Variants in TRIM9 observed in about 807,000 individuals in gnomAD.
TRIM9 encodes the protein E3 ubiquitin-protein ligase TRIM9.
Under a neutral mutation model 78.3 loss-of-function variants are expected in TRIM9, and 26 were observed. The ratio of observed to expected loss-of-function variants is 0.33; its 90% confidence interval spans 0.24 to 0.46. The LOEUF (loss-of-function observed/expected upper bound fraction) is 0.46. Ranked by LOEUF, TRIM9 falls within the 20% of genes least tolerant of loss-of-function variation. The pLI is 1.00. For missense variants in TRIM9, 787 were observed against 1,036.4 expected (o/e 0.76, Z 3.30); for synonymous variants, 398 against 416.5 (o/e 0.96, Z 0.54).
intron 2 of TRIM9, 140 bp from the exon 3 acceptor site, chr14:51,023,097 A>C: frequency 1.2e-5 from 14 of 1,125,960 alleles, no homozygotes; most frequent in Non-Finnish European, 1.8e-5. Context: ...TAAAAAAATA[A>C]CTGGATAAAC....
At chr14:51,013,424 T>C (rs76284519) in intron 3 of TRIM9, among the ~76,000 whole-genome samples, 7,037 of 152,262 alleles carry the variant, frequency 0.046, 196 homozygotes, top group Middle Eastern at 0.12. Flanking sequence ...ATTTTGATTA[T>C]TGTCGCTTTA....
chr14:51,087,345 C>G (rs1212715201), intron 1 of TRIM9, among the ~76,000 whole-genome samples: 1 of 152,134 alleles, frequency 6.6e-6, no homozygotes, highest in Admixed American at 6.6e-5. Context: ...AAAAAGAAGG[C>G]AAAACCAGGG....
At chr14:51,077,585 G>A (rs918833449) in intron 1 of TRIM9, among the ~76,000 whole-genome samples, 2 of 151,874 alleles carry the variant, frequency 1.3e-5, no homozygotes, top group African/African-American at 4.8e-5. Context: ...CTAGAGATGG[G>A]GTTTCGCCAT....
In TRIM9 at chr14:51,033,016, A is replaced by T. The variant is rs375896448; in HGVS notation, c.823-7656T>A. Among the ~76,000 whole-genome samples, 302 of 152,290 alleles carry T rather than the reference A, an allele frequency of 2.0e-3. 15 individuals carry two copies. The South Asian group carries it at 0.06, about 30-fold the overall frequency. ...AGGTAAATATACCAGAATCTGCAAC[A>T]CTCAAAATCTGAAACACTACTGGTC... On this transcript the variant is annotated intron_variant, in intron 1 of 12. Transcript: ENST00000684578.
At chr14:51,087,724 CATAAGTTGTTATGCTATGTTGTCCCCAG>C (rs2063898993) in intron 1 of TRIM9, among the ~76,000 whole-genome samples, 1 of 152,188 alleles carries the variant, frequency 6.6e-6, no homozygotes. Flanking sequence ...GCATTTACTT[CATAAGTTGTTATGCTATGTTGTCCCCAG>C]AGCAATATTA....
chr14:51,023,401 T>C (rs1290689463), intron 2 of TRIM9, among the ~76,000 whole-genome samples: 1 of 152,184 alleles, frequency 6.6e-6, no homozygotes, highest in Admixed American at 6.5e-5. Context: ...TGGTCTTCAA[T>C]ATTAACAATA....
At chr14:51,031,908 C>G (rs373998163) in intron 1 of TRIM9, among the ~76,000 whole-genome samples, 29,697 of 152,052 alleles carry the variant, frequency 0.2, 3,279 homozygotes, top group Non-Finnish European at 0.25. Flanking sequence ...CTAAACAAAT[C>G]TCACCATTTG....
chr14:50,999,903 C>T (rs1035224177), intron 6 of TRIM9, among the ~76,000 whole-genome samples: 1 of 152,168 alleles, frequency 6.6e-6, no homozygotes, highest in African/African-American at 2.4e-5. Context: ...CATGAATCAT[C>T]AATCTGGTGG....
At chr14:51,092,233 C>G (rs1452382407) in intron 1 of TRIM9, among the ~76,000 whole-genome samples, 2 of 152,138 alleles carry the variant, frequency 1.3e-5, no homozygotes, top group Non-Finnish European at 2.9e-5. Flanking sequence ...GTTCTGAAAA[C>G]AGTGGTGTGT....
At chr14:51,004,603 T>C (rs2055516547) in intron 5 of TRIM9, among the ~76,000 whole-genome samples, 1 of 152,224 alleles carries the variant, frequency 6.6e-6, no homozygotes, top group South Asian at 2.1e-4. Context: ...CTTTACTGAA[T>C]GCCAGAGAGT....
At chr14:51,028,906 C>T (rs908903609) in intron 1 of TRIM9, among the ~76,000 whole-genome samples, 5 of 152,118 alleles carry the variant, frequency 3.3e-5, no homozygotes, top group Non-Finnish European at 5.9e-5. Flanking sequence ...GCGTGGCTTT[C>T]GTCCTCAGCT....
At chr14:51,030,698 T>C (rs12433833) in intron 1 of TRIM9, among the ~76,000 whole-genome samples, 10,703 of 152,090 alleles carry the variant, frequency 0.07, 472 homozygotes, top group Middle Eastern at 0.11. Flanking sequence ...TGTATGTGTA[T>C]GTATGTGATT....
intron 1 of TRIM9, among the ~76,000 whole-genome samples, chr14:51,045,597 T>G (rs2059892070): frequency 6.6e-6 from 1 of 152,146 alleles, no homozygotes; most frequent in Non-Finnish European, 1.5e-5. Flanking sequence ...AAATCCACAT[T>G]GGTAAAGAGT....
Position 51,086,983 on chromosome 14 carries a change from A to G in TRIM9, c.822+7135T>C, listed in dbSNP as rs530391032. ...GAAAACTCCCTCTCTACAGTTATTT[A>G]ATAAAAAAGTGTCTGCAATTAAACA... is the stretch of plus-strand genomic sequence containing the variant. On this transcript the variant is annotated intron_variant, in intron 1 of 12. Coordinates refer to ENST00000684578, the MANE Select transcript of TRIM9 (RefSeq NM_001387360.1). Among the ~76,000 whole-genome samples the G allele has an allele frequency of 8.5e-5, 13 of 152,260 alleles. 1 individual carries two copies. The highest frequency in any genetic ancestry group is 2.9e-4 in the African/African-American group (12 of 41,558).
intron 1 of TRIM9, among the ~76,000 whole-genome samples, chr14:51,080,063 A>C (rs1596322598): frequency 6.6e-6 from 1 of 152,286 alleles, no homozygotes; most frequent in South Asian, 2.1e-4. Flanking sequence ...AGTCAACCAG[A>C]CAGCCAATCC....
intron 1 of TRIM9, chr14:51,091,373 T>C (rs916540281): frequency 6.6e-6 from 1 of 152,200 alleles, no homozygotes; most frequent in Non-Finnish European, 1.5e-5. Context: ...ATGACTAATA[T>C]GATAGAATAT....
At chr14:51,010,347 C>T (rs1566574591) in intron 4 of TRIM9, 37 bp downstream of exon 4, 1 of 1,527,566 alleles carries the variant, frequency 6.5e-7, no homozygotes, top group Admixed American at 1.7e-5. Context: ...TCCTATGGGA[C>T]ATTTAGAATC....
intron 1 of TRIM9, among the ~76,000 whole-genome samples, chr14:51,051,203 GAA>G (rs533904227): frequency 5.3e-4 from 80 of 152,300 alleles, no homozygotes; most frequent in African/African-American, 1.9e-3. Flanking sequence ...ATAACTATAG[GAA>G]ACCTTCGTTG....
chr14:51,066,062 AAGGAAG>A (rs1175150051), intron 1 of TRIM9, among the ~76,000 whole-genome samples: 3 of 120,404 alleles, frequency 2.5e-5, no homozygotes, highest in African/African-American at 1.0e-4. Context: ...AGAAGGAAGG[AAGGAAG>A]GAAGGAAGGA....
Sources: allele counts gnomAD v4.1 joint callset (sites outside exome capture counted in the v4.1 genomes callset), GRCh38; gene constraint gnomAD v4.1.1; transcripts MANE v1.5; gene names NCBI Gene and HGNC (gene_info 2026-07-23, HGNC 2026-07-21).